SGSM1: variants seen among roughly 807,000 people sequenced by gnomAD.
SGSM1 encodes the protein small G protein signaling modulator 1.
In SGSM1, 73 loss-of-function variants were observed where a neutral mutation model predicts 133.8. The observed-to-expected ratio is 0.55, with a 90% CI of 0.45 to 0.66. SGSM1 has a LOEUF of 0.66. Among genes scored for constraint, SGSM1 ranks in the 30% least tolerant of loss-of-function variants. The probability of loss-of-function intolerance (pLI) is 0.00; values close to 1 mark genes in which losing one functional copy is unlikely to be tolerated. For missense variants in SGSM1, 1,213 were observed against 1,448.1 expected (o/e 0.84, Z 2.64); for synonymous variants, 563 against 573.0 (o/e 0.98, Z 0.25).
intron 2 of SGSM1, among the ~76,000 whole-genome samples, chr22:24,841,061 A>G (rs933854829): frequency 6.8e-4 from 103 of 152,000 alleles, no homozygotes; most frequent in Non-Finnish European, 1.2e-3. Flanking sequence ...CGTGTTAGCC[A>G]AGATGGTCTC....
rs368927936 is a variant in SGSM1 at position 24,886,570 on chromosome 22, A to C, written c.1642-30A>C. 1,275 of 1,547,924 alleles carry C rather than the reference A, an allele frequency of 8.2e-4. 15 individuals are homozygous for C. In the South Asian group the frequency reaches 0.014, roughly 17 times the overall value. Reference sequence around the variant, plus strand: ...ACCACCCCCTGGTTTTCTGTTGACCAAACTCTTTGCTCCTCTCCACCCACC... The same window carrying C: ...ACCACCCCCTGGTTTTCTGTTGACCCAACTCTTTGCTCCTCTCCACCCACC... On this transcript the variant is annotated intron_variant, in intron 15 of 24. Transcript: ENST00000400358.
intron 2 of SGSM1, among the ~76,000 whole-genome samples, chr22:24,830,040 G>T (rs550909187): frequency 1.9e-4 from 25 of 130,028 alleles, no homozygotes; most frequent in African/African-American, 6.4e-4. Flanking sequence ...TCTGTGCCCC[G>T]GGATGGGTTC....
At chr22:24,853,600 G>A (rs1930601814) in intron 5 of SGSM1, among the ~76,000 whole-genome samples, 1 of 150,508 alleles carries the variant, frequency 6.6e-6, no homozygotes, top group South Asian at 2.1e-4. Context: ...ATGGCAGGAG[G>A]CAAAAGGCAC....
intron 18 of SGSM1, among the ~76,000 whole-genome samples, 159 bp from the exon 19 acceptor site, chr22:24,897,813 C>T (rs1282382715): frequency 6.6e-6 from 1 of 152,180 alleles, no homozygotes; most frequent in Non-Finnish European, 1.5e-5. Context: ...TATATTACAC[C>T]TTGTTTTGCC....
intron 14 of SGSM1, among the ~76,000 whole-genome samples, chr22:24,881,495 T>C (rs1601950405): frequency 1.3e-5 from 2 of 148,818 alleles, no homozygotes. Flanking sequence ...AAACCTGGGA[T>C]GCGGAGCTTG....
At chr22:24,815,881 G>T (rs918219828) in intron 2 of SGSM1, among the ~76,000 whole-genome samples, 1 of 152,132 alleles carries the variant, frequency 6.6e-6, no homozygotes, top group African/African-American at 2.4e-5. Flanking sequence ...CAGTTCCTTG[G>T]GGGAGGCCTG....
intron 19 of SGSM1, among the ~76,000 whole-genome samples, chr22:24,898,793 T>C (rs555033640): frequency 3.3e-5 from 5 of 151,848 alleles, no homozygotes; most frequent in Non-Finnish European, 5.9e-5. Context: ...TTTGGGAGGC[T>C]GAGGGGGGTG....
chr22:24,817,439 G>A (rs1473892918), intron 2 of SGSM1, among the ~76,000 whole-genome samples: 3 of 151,388 alleles, frequency 2.0e-5, no homozygotes, highest in Non-Finnish European at 2.9e-5. Context: ...TGCAACCTCC[G>A]CCTCCTGGGT....
chr22:24,823,765 C>G (rs1452489203), intron 2 of SGSM1, among the ~76,000 whole-genome samples: 1 of 151,750 alleles, frequency 6.6e-6, no homozygotes, highest in Non-Finnish European at 1.5e-5. Context: ...AAAAAATTAA[C>G]CAGGCAAGGT....
At chr22:24,823,557 C>T (rs912758956) in intron 2 of SGSM1, among the ~76,000 whole-genome samples, 6 of 151,914 alleles carry the variant, frequency 3.9e-5, no homozygotes, top group South Asian at 2.1e-4. Flanking sequence ...GCCGAAATTG[C>T]GCCACTGCAC....
chr22:24,854,799 G>A (rs1161067982), intron 5 of SGSM1, among the ~76,000 whole-genome samples, 197 bp from the exon 6 acceptor site: 2 of 152,164 alleles, frequency 1.3e-5, no homozygotes, highest in Non-Finnish European at 2.9e-5. Context: ...CTGTGTGACA[G>A]AGAAAGACCT....
intron 2 of SGSM1, among the ~76,000 whole-genome samples, chr22:24,841,129 CG>C (rs1929784853): frequency 1.3e-5 from 2 of 152,074 alleles, no homozygotes; most frequent in Admixed American, 6.5e-5. Context: ...GGATTACAGG[CG>C]TGAGCCACCG....
intron 2 of SGSM1, among the ~76,000 whole-genome samples, chr22:24,817,213 C>T (rs1000573081): frequency 2.0e-5 from 3 of 152,142 alleles, no homozygotes; most frequent in Admixed American, 1.3e-4. Flanking sequence ...CCTACAGTCC[C>T]GAGTGCTGCC....
chr22:24,901,739 G>A, intron 19 of SGSM1, 94 bp from the exon 20 acceptor site: 4 of 1,393,628 alleles, frequency 2.9e-6, no homozygotes, highest in African/African-American at 1.4e-5. Context: ...ACAGGAGAGG[G>A]TTAGGAAGAG....
intron 2 of SGSM1, among the ~76,000 whole-genome samples, chr22:24,817,731 TCTTG>T (rs1928190430): frequency 6.6e-6 from 1 of 152,158 alleles, no homozygotes; most frequent in Non-Finnish European, 1.5e-5. Context: ...TCACCCTGTG[TCTTG>T]TTTGGGGCTG....
intron 2 of SGSM1, among the ~76,000 whole-genome samples, chr22:24,837,566 G>C (rs576385352): frequency 1.5e-5 from 2 of 129,112 alleles, no homozygotes; most frequent in Non-Finnish European, 3.2e-5. Context: ...AAACTCCCCC[G>C]GGGAAAGGGA....
chr22:24,870,642 C>A (rs944322012), intron 12 of SGSM1, among the ~76,000 whole-genome samples: 1 of 152,220 alleles, frequency 6.6e-6, no homozygotes, highest in Non-Finnish European at 1.5e-5. Context: ...CTGCAGCTCC[C>A]TGCCTCAGTA....
At chr22:24,872,558 G>T (rs1246161829) in intron 12 of SGSM1, among the ~76,000 whole-genome samples, 1 of 152,230 alleles carries the variant, frequency 6.6e-6, no homozygotes, top group East Asian at 1.9e-4. Flanking sequence ...GATAGACTAG[G>T]TTAGACAAAA....
chr22:24,876,729 G>T lies in SGSM1; in HGVS notation c.1430+14G>T. The T allele has an allele frequency of 2.5e-6, 4 of 1,613,916 alleles. No individual in the cohort carries two copies. Among genetic ancestry groups the T allele is most frequent in the Non-Finnish European group, 3.4e-6 (4 of 1,179,864 alleles). ...CAACCATGAGAGGTATGAGGGGCTTGAGCTGCAGATGGAGAGAGCTGAAGG... is the reference window on the plus strand; with the variant it reads ...CAACCATGAGAGGTATGAGGGGCTTTAGCTGCAGATGGAGAGAGCTGAAGG... On this transcript the variant is annotated intron_variant, in intron 13 of 24. Transcript: ENST00000400358.
Sources: allele counts gnomAD v4.1 joint callset (sites outside exome capture counted in the v4.1 genomes callset), GRCh38; gene constraint gnomAD v4.1.1; transcripts MANE v1.5; gene names NCBI Gene and HGNC (gene_info 2026-07-23, HGNC 2026-07-21).